The following CCDC7 variants were observed in gnomAD, a reference collection of about 807,000 sequenced individuals.
The protein encoded by CCDC7 is coiled-coil domain containing 7, also known as coiled-coil domain-containing protein 7.
Under a neutral mutation model 196.9 loss-of-function variants are expected in CCDC7, and 183 were observed. The ratio of observed to expected loss-of-function variants is 0.93; its 90% CI spans 0.82 to 1.05. The LOEUF (loss-of-function observed/expected upper bound fraction) is 1.05, where lower values mean the gene tolerates loss of function less well. Among genes scored for constraint, CCDC7 ranks in the 50% least tolerant of loss-of-function variants. The pLI, the probability that CCDC7 is intolerant of heterozygous loss-of-function variation, is 0.00. For missense variants in CCDC7, 1,540 were observed against 1,482.2 expected (o/e 1.04, Z -0.64); for synonymous variants, 525 against 484.6 (o/e 1.08, Z -1.10).
intron 32 of CCDC7, among the ~76,000 whole-genome samples, chr10:32,834,535 A>G (rs530044066): frequency 4.6e-5 from 7 of 151,982 alleles, no homozygotes; most frequent in African/African-American, 9.7e-5. Flanking sequence ...ACAAACATCT[A>G]TTTCTGTATA....
chr10:32,639,535 A>G (rs1458302944), intron 20 of CCDC7, among the ~76,000 whole-genome samples: 1 of 151,294 alleles, frequency 6.6e-6, no homozygotes, highest in African/African-American at 2.4e-5. Flanking sequence ...TTCAGTTTCC[A>G]TGTAGTTGAG....
chr10:32,737,261 A>T (rs541071795), intron 28 of CCDC7, among the ~76,000 whole-genome samples: 1 of 152,160 alleles, frequency 6.6e-6, no homozygotes, highest in South Asian at 2.1e-4. Flanking sequence ...CAATTTGCTA[A>T]CAATTTGTTG....
intron 32 of CCDC7, among the ~76,000 whole-genome samples, chr10:32,831,653 T>C (rs188859291): frequency 2.0e-4 from 30 of 150,824 alleles, no homozygotes; most frequent in African/African-American, 7.1e-4. Context: ...CACATTAGCC[T>C]AGACCTACAC....
At chr10:32,817,372 G>C (rs932524837) in intron 31 of CCDC7, among the ~76,000 whole-genome samples, 2 of 152,306 alleles carry the variant, frequency 1.3e-5, no homozygotes, top group Admixed American at 1.3e-4. Flanking sequence ...TGGTGTACCC[G>C]AAAGTGACAG....
At chr10:32,518,594 T>C (rs2047413602) in intron 11 of CCDC7, 89 bp downstream of exon 12, 4 of 1,001,964 alleles carry the variant, frequency 4.0e-6, no homozygotes, top group East Asian at 3.1e-5. Flanking sequence ...TTAAATGTTA[T>C]ATAATATGTT....
chr10:32,792,334 T>A (rs1041162687), intron 29 of CCDC7, among the ~76,000 whole-genome samples: 10 of 152,150 alleles, frequency 6.6e-5, no homozygotes, highest in African/African-American at 2.4e-4. Flanking sequence ...TATATATCTC[T>A]AGAATAAAGG....
At chr10:32,621,203 C>A (rs1461464916) in intron 18 of CCDC7, among the ~76,000 whole-genome samples, 1 of 152,036 alleles carries the variant, frequency 6.6e-6, no homozygotes, top group African/African-American at 2.4e-5. Flanking sequence ...ATCATATTAC[C>A]CATGTGATAT....
At chr10:32,763,881 T>G (rs1056237582) in intron 28 of CCDC7, among the ~76,000 whole-genome samples, 57 of 151,844 alleles carry the variant, frequency 3.8e-4, no homozygotes, top group African/African-American at 1.2e-3. Flanking sequence ...ATAGGAGTAT[T>G]AATTTCTGGA....
At chr10:32,520,512 G>A (rs2047723691) in intron 11 of CCDC7, among the ~76,000 whole-genome samples, 1 of 152,022 alleles carries the variant, frequency 6.6e-6, no homozygotes. Context: ...CCATTTGTAT[G>A]TCTTGTTTTG....
At position 32,664,048 on chromosome 10, in the gene CCDC7, G is replaced by A. The variant is rs1455102158; in HGVS notation, c.2015-6G>A. 5.1e-6 allele frequency: 2 copies of A among 395,632 alleles called. No individual in the cohort carries two copies. Among genetic ancestry groups the A allele is most frequent in the Admixed American group, 4.4e-5 (1 of 22,622 alleles). The allele number at this position is 395,632 out of a possible 1,614,324, so 24.5% of individuals were successfully genotyped here. ...TTTAGTGCACTAAATTTATTAATTT[G>A]TGTAGCTCATAATGATGTACCAGAA... is the stretch of plus-strand genomic sequence containing the variant. On this transcript the variant is annotated splice_region_variant and splice_polypyrimidine_tract_variant and intron_variant, in intron 20 of 41. Transcript: ENST00000639629.
At chr10:32,739,214 T>C (rs1219418226) in intron 28 of CCDC7, among the ~76,000 whole-genome samples, 1 of 152,098 alleles carries the variant, frequency 6.6e-6, no homozygotes, top group Non-Finnish European at 1.5e-5. Context: ...CCATTATTAT[T>C]TCAAATATTT....
chr10:32,622,556 G>T (rs1467511844), intron 18 of CCDC7, among the ~76,000 whole-genome samples: 2 of 151,944 alleles, frequency 1.3e-5, no homozygotes, highest in African/African-American at 2.4e-5. Context: ...GACAAGTCTT[G>T]GTTAAACTGA....
chr10:32,798,447 G>A (rs1369376376), intron 29 of CCDC7, among the ~76,000 whole-genome samples: 1 of 152,178 alleles, frequency 6.6e-6, no homozygotes, highest in Non-Finnish European at 1.5e-5. Context: ...GAGGCTGAGT[G>A]GTGTCCACAG....
chr10:32,688,667 A>G (rs1423704036), intron 22 of CCDC7, among the ~76,000 whole-genome samples: 12 of 152,178 alleles, frequency 7.9e-5, no homozygotes, highest in African/African-American at 2.7e-4. Flanking sequence ...CATAGTTTAT[A>G]TGCTTTACTC....
At position 32,864,519 on chromosome 10, in the gene CCDC7, A is replaced by G. The variant is rs1227158940; in HGVS notation, c.4111+10030A>G. ...ATATATACACACACATATATATTAC[A>G]TAATGCAATTAAAATCAGAAATTTT... On this transcript the variant is annotated intron_variant, in intron 41 of 41. Transcript: ENST00000639629. Among the ~76,000 whole-genome samples, 4 of 151,540 alleles carry G rather than the reference A, an allele frequency of 2.6e-5. No homozygotes were observed. The East Asian group carries it at 7.8e-4, about 29-fold the overall frequency.
At chr10:32,796,782 C>T (rs910987000) in intron 29 of CCDC7, among the ~76,000 whole-genome samples, 4 of 152,054 alleles carry the variant, frequency 2.6e-5, no homozygotes, top group Non-Finnish European at 4.4e-5. Context: ...TATTATAAGG[C>T]ATAATTGAAG....
intron 16 of CCDC7, among the ~76,000 whole-genome samples, chr10:32,576,375 AG>A (rs2058192344): frequency 6.6e-6 from 1 of 151,674 alleles, no homozygotes. Context: ...CCTAACTTCT[AG>A]GTGCTTTGGA....
upstream of CCDC7, among the ~76,000 whole-genome samples, chr10:32,445,251 A>G (rs922251816): frequency 3.3e-5 from 5 of 152,168 alleles, no homozygotes; most frequent in African/African-American, 9.7e-5. Flanking sequence ...GGCAACCCCA[A>G]TGGTAACTCC....
intron 30 of CCDC7, among the ~76,000 whole-genome samples, chr10:32,811,676 A>T (rs1000379552): frequency 1.3e-5 from 2 of 152,128 alleles, no homozygotes; most frequent in African/African-American, 2.4e-5. Context: ...CCCTCAAACT[A>T]TTCCAAAAAA....
Sources: allele counts gnomAD v4.1 joint callset (sites outside exome capture counted in the v4.1 genomes callset), GRCh38; gene constraint gnomAD v4.1.1; transcripts MANE v1.5; gene names NCBI Gene and HGNC (gene_info 2026-07-23, HGNC 2026-07-21).